Variants in MAP3K3 observed in about 807,000 individuals in gnomAD.
MAP3K3 encodes the protein mitogen-activated protein kinase kinase kinase 3, also known as MAP/ERK kinase kinase 3.
MAP3K3 carries 12 observed loss-of-function variants against 80.9 expected under a neutral mutation model. The ratio of observed to expected loss-of-function variants is 0.15; its 90% CI spans 0.10 to 0.24. The LOEUF (loss-of-function observed/expected upper bound fraction) is 0.24, where lower values mean the gene tolerates loss of function less well. Among genes scored for constraint, MAP3K3 ranks in the 10% least tolerant of loss-of-function variants. MAP3K3 has a pLI of 1.00. For missense variants in MAP3K3, 596 were observed against 834.7 expected (o/e 0.71, Z 3.52); for synonymous variants, 272 against 307.1 (o/e 0.89, Z 1.19).
intron 2 of MAP3K3, 127 bp downstream of exon 2, chr17:63,632,929 C>A: frequency 7.9e-7 from 1 of 1,261,492 alleles, no homozygotes; most frequent in Non-Finnish European, 1.1e-6. Flanking sequence ...CTTTCACAGT[C>A]TGTTAAATGG....
intron 12 of MAP3K3, 152 bp downstream of exon 12, chr17:63,690,564 G>GC: frequency 4.9e-6 from 4 of 817,130 alleles, no homozygotes; most frequent in Non-Finnish European, 7.6e-6. Flanking sequence ...CAGCCACAGG[G>GC]TGAAAGGACT....
chr17:63,676,749 C>T (rs578101019), intron 6 of MAP3K3, among the ~76,000 whole-genome samples: 16 of 152,174 alleles, frequency 1.1e-4, no homozygotes, highest in Non-Finnish European at 1.6e-4. Context: ...AGGAAGCCAC[C>T]GGTCCAGAAG....
intron 6 of MAP3K3, among the ~76,000 whole-genome samples, chr17:63,681,346 T>G (rs541742550): frequency 6.6e-6 from 1 of 152,216 alleles, no homozygotes; most frequent in South Asian, 2.1e-4. Flanking sequence ...AAAATACTGC[T>G]TGGACCCAAA....
chr17:63,676,870 C>T lies in MAP3K3; in HGVS notation c.503-4896C>T, dbSNP rs1318244882. ...GAAAAACCAAAGGCTTCTGTGACTG[C>T]TCAGGAACAGCAGGAAGCCTGTTAA... On this transcript the variant is annotated intron_variant, in intron 6 of 15. Transcript: ENST00000361733. 2.0e-5 allele frequency among the ~76,000 whole-genome samples: 3 copies of T among 152,188 alleles called. No homozygotes were observed. The East Asian group carries it at 5.8e-4, about 29-fold the overall frequency.
intron 6 of MAP3K3, among the ~76,000 whole-genome samples, chr17:63,673,625 TGTC>T (rs2035155258): frequency 6.6e-6 from 1 of 152,166 alleles, no homozygotes; most frequent in African/African-American, 2.4e-5. Flanking sequence ...CTAAAGGACT[TGTC>T]GGCGGGGTGC....
In MAP3K3 at chr17:63,694,018, G is replaced by A. The variant is rs530781711; in HGVS notation, c.*241G>A. The A allele has an allele frequency of 8.8e-4, 429 of 486,124 alleles. No homozygotes were observed. Among genetic ancestry groups the A allele is most frequent in the Non-Finnish European group, 1.7e-4 (48 of 275,548 alleles). The allele number at this position is 486,124 out of a possible 1,614,324, so 30.1% of individuals were successfully genotyped here. On this transcript the variant is annotated 3_prime_UTR_variant, in exon 16 of 16. Transcript: ENST00000361733. ...GGAGCTCCAGTGTCCTGAGCTCAGC[G>A]TGGAGGGGTAGGGGCTGGGAACAGT...
chr17:63,685,573 G>A lies in MAP3K3; in HGVS notation c.693G>A (p.Leu231=), dbSNP rs369465183. 13 of 1,614,110 alleles carry A rather than the reference G, an allele frequency of 8.1e-6. No individual in the cohort carries two copies. The African/African-American group carries it at 1.5e-4, about 18-fold the overall frequency. ...CCTTGTCTGGAAGCTGCCAATCCTT[G>A]GACAGGTCAGCAGACAGGTATGGGA... ...ENSLSGSCQS[L]DRSADSPSFR... Residue 231 remains leucine (L), a synonymous_variant, in exon 8 of 16, where the codon TTG becomes TTA. Coordinates refer to ENST00000361733, the MANE Select transcript of MAP3K3 (RefSeq NM_002401.5).
At chr17:63,660,245 A>G (rs915545228) in intron 5 of MAP3K3, among the ~76,000 whole-genome samples, 2 of 152,062 alleles carry the variant, frequency 1.3e-5, no homozygotes, top group African/African-American at 2.4e-5. Context: ...CTGTCACCCA[A>G]GCTGGAGTGC....
At chr17:63,680,157 A>G (rs1242682489) in intron 6 of MAP3K3, among the ~76,000 whole-genome samples, 1 of 152,242 alleles carries the variant, frequency 6.6e-6, no homozygotes, top group Non-Finnish European at 1.5e-5. Flanking sequence ...CAGAAAACCT[A>G]GTGCTACAGC....
intron 8 of MAP3K3, chr17:63,688,263 G>T: frequency 1.9e-6 from 1 of 536,398 alleles, no homozygotes; most frequent in Non-Finnish European, 3.4e-6. Flanking sequence ...GAAAGGCCAA[G>T]GAGGGAGAGG....
At chr17:63,649,722 A>C (rs1479116685) in intron 3 of MAP3K3, among the ~76,000 whole-genome samples, 1 of 152,224 alleles carries the variant, frequency 6.6e-6, no homozygotes, top group Non-Finnish European at 1.5e-5. Context: ...ACCAATTTTC[A>C]GTTTAATCAA....
intron 6 of MAP3K3, among the ~76,000 whole-genome samples, chr17:63,680,011 C>T (rs1193359249): frequency 1.3e-5 from 2 of 152,050 alleles, no homozygotes; most frequent in Non-Finnish European, 2.9e-5. Flanking sequence ...AGAGTGAGAC[C>T]CTGTCTCTGA....
In MAP3K3 at chr17:63,691,384, T is replaced by TG. The variant is rs2035587902; in HGVS notation, c.1344+153dup. 8.8e-7 allele frequency: 1 copy of TG among 1,137,268 alleles called. No individual in the cohort carries two copies. The highest frequency in any genetic ancestry group is 1.3e-6 in the Non-Finnish European group (1 of 793,942). 70.4% of individuals were successfully genotyped at this position (1,137,268 alleles called of 1,614,324 possible). ...AGCAAAGTGAGGTGATGGTGGGACT[T>TG]GGAGTCAGGAGGGCCCTGCCTCAGG... On this transcript the variant is annotated intron_variant, in intron 13 of 15. Coordinates refer to ENST00000361733, the MANE Select transcript of MAP3K3 (RefSeq NM_002401.5). This position sits in a 1 kb window ranked among gnomAD's most constrained non-coding sequence, Gnocchi z 4.8.
At position 63,681,914 on chromosome 17, in the gene MAP3K3, G is replaced by A; in HGVS notation, c.636+15G>A. The A allele has an allele frequency of 7.2e-7, 1 of 1,383,962 alleles. No individual in the cohort carries two copies. The highest frequency in any genetic ancestry group is 1.9e-5 in the South Asian group (1 of 52,844). 85.7% of individuals were successfully genotyped at this position (1,383,962 alleles called of 1,614,324 possible). Reference sequence around the variant, plus strand: ...GCGAGCAGTGCGTGAGTATAGGGGGGCTGGGATATGCCTGTGGCCTGTATC... The same window carrying A: ...GCGAGCAGTGCGTGAGTATAGGGGGACTGGGATATGCCTGTGGCCTGTATC... On this transcript the variant is annotated intron_variant, in intron 7 of 15. Transcript: ENST00000361733.
intron 2 of MAP3K3, chr17:63,634,913 G>C: frequency 1.1e-6 from 1 of 943,976 alleles, no homozygotes; most frequent in Non-Finnish European, 1.7e-6. Context: ...TTTGTAAAAA[G>C]CATTGGTTAC....
chr17:63,642,623 A>G (rs1342545973), intron 2 of MAP3K3, among the ~76,000 whole-genome samples: 4 of 152,192 alleles, frequency 2.6e-5, no homozygotes, highest in Middle Eastern at 6.8e-3. Context: ...GCGCCACTGC[A>G]CTCCAGCCTG....
intron 4 of MAP3K3, among the ~76,000 whole-genome samples, chr17:63,652,959 A>T (rs1266537456): frequency 6.6e-6 from 1 of 152,152 alleles, no homozygotes; most frequent in Non-Finnish European, 1.5e-5. Flanking sequence ...TACATTTTGT[A>T]GGAGTATCTT....
At chr17:63,677,934 T>C (rs1382750263) in intron 6 of MAP3K3, among the ~76,000 whole-genome samples, 1 of 152,234 alleles carries the variant, frequency 6.6e-6, no homozygotes, top group East Asian at 1.9e-4. Context: ...TCATATTTCC[T>C]TGTGGATGGG....
chr17:63,653,441 G>T (rs1229563207), intron 4 of MAP3K3, among the ~76,000 whole-genome samples: 1 of 152,102 alleles, frequency 6.6e-6, no homozygotes, highest in South Asian at 2.1e-4. Context: ...TATTTGATGA[G>T]GAGTTAAAAT....
Sources: gnomAD v4.1 joint callset for allele counts (sites outside exome capture counted in the v4.1 genomes callset) on GRCh38, gnomAD v4.1.1 for gene constraint, Gnocchi (gnomAD v3.1) non-coding constraint, MANE v1.5 for transcripts, NCBI Gene and HGNC (gene_info 2026-07-23, HGNC 2026-07-21) for gene names.